Variants in DNAJC10 observed in about 807,000 individuals in gnomAD.
DNAJC10 encodes DnaJ heat shock protein family (Hsp40) member C10.
Under a neutral mutation model 115.0 loss-of-function variants are expected in DNAJC10, and 101 were observed. That is an observed-to-expected ratio of 0.88 (90% CI 0.75 to 1.04). The LOEUF (loss-of-function observed/expected upper bound fraction) is 1.04, where lower values mean the gene tolerates loss of function less well. Among genes scored for constraint, DNAJC10 ranks in the 50% least tolerant of loss-of-function variants. The pLI, the probability that DNAJC10 is intolerant of heterozygous loss-of-function variation, is 0.00. For synonymous variants in DNAJC10, 307 were observed against 301.5 expected, an observed-to-expected ratio of 1.02 and a Z score of -0.19; for missense variants, 981 against 928.8, an observed-to-expected ratio of 1.06 and a Z score of -0.73.
intron 14 of DNAJC10, among the ~76,000 whole-genome samples, chr2:182,744,299 T>C (rs991433407): frequency 1.3e-5 from 2 of 152,132 alleles, no homozygotes; most frequent in African/African-American, 4.8e-5. Flanking sequence ...GAACAACAGA[T>C]ACCGATGAAA....
chr2:182,738,384 C>T (rs965103520), intron 11 of DNAJC10, among the ~76,000 whole-genome samples: 1 of 152,148 alleles, frequency 6.6e-6, no homozygotes, highest in African/African-American at 2.4e-5. Context: ...AATAGAGCCT[C>T]TTGCCTTGAG....
Position 182,757,752 on chromosome 2 carries a change from G to A in DNAJC10, c.1870G>A (p.Ala624Thr), listed in dbSNP as rs1158613943. ...IDCQQYHSFC[A>T]QENVQRYPEI... is the part of the protein sequence containing the mutation. Reference sequence around the variant, plus strand: ...TTGCCAACAGTATCATTCTTTTTGTGCCCAGGAAAACGTTCAAAGATACCC... The same window carrying A: ...TTGCCAACAGTATCATTCTTTTTGTACCCAGGAAAACGTTCAAAGATACCC... Residue 624 changes from alanine (A) to threonine (T), a missense_variant, in exon 19 of 24, where the codon GCC (alanine) becomes ACC (threonine). Transcript: ENST00000264065. 3.7e-6 allele frequency: 6 copies of A among 1,603,580 alleles called. No individual in the cohort carries two copies. Among genetic ancestry groups the A allele is most frequent in the South Asian group, 1.1e-5 (1 of 89,360 alleles).
In DNAJC10 at chr2:182,732,657, T is replaced by C. The variant is rs1693481289; in HGVS notation, c.849+115T>C. The C allele has an allele frequency of 1.3e-5, 13 of 1,006,278 alleles. No homozygotes were observed. In the South Asian group the frequency reaches 1.9e-4, roughly 14 times the overall value. 62.3% of individuals were successfully genotyped at this position (1,006,278 alleles called of 1,614,324 possible). On this transcript the variant is annotated intron_variant, in intron 10 of 23. Coordinates refer to ENST00000264065, the MANE Select transcript of DNAJC10 (RefSeq NM_018981.4). ...GAACATTTAACTCACCTATTTGTAATCTTATTTTCTGATGACTGTATTCAT... is the reference window on the plus strand; with the variant it reads ...GAACATTTAACTCACCTATTTGTAACCTTATTTTCTGATGACTGTATTCAT...
intron 19 of DNAJC10, 100 bp from the exon 20 acceptor site, chr2:182,758,737 C>A: frequency 1.2e-6 from 1 of 834,146 alleles, no homozygotes; most frequent in South Asian, 1.6e-5. Context: ...TGAAATCAAT[C>A]AATATAACTT....
At chr2:182,747,912 C>T (rs1211180989) in intron 14 of DNAJC10, among the ~76,000 whole-genome samples, 8 of 151,762 alleles carry the variant, frequency 5.3e-5, no homozygotes, top group African/African-American at 1.9e-4. Context: ...CCATCAATAC[C>T]TAATTTATGG....
chr2:182,760,488 T>G (rs963524416), intron 21 of DNAJC10, among the ~76,000 whole-genome samples: 13 of 152,200 alleles, frequency 8.5e-5, no homozygotes, highest in African/African-American at 2.9e-4. Context: ...TGTAAATGGC[T>G]GTCTCTTCCT....
At chr2:182,736,675 A>G (rs559429153) in intron 11 of DNAJC10, among the ~76,000 whole-genome samples, 14 of 152,332 alleles carry the variant, frequency 9.2e-5, no homozygotes, top group East Asian at 5.8e-4. Flanking sequence ...TTAAACCCCA[A>G]AAGTATGGAG....
intron 14 of DNAJC10, among the ~76,000 whole-genome samples, chr2:182,745,595 A>C (rs898079079): frequency 1.3e-5 from 2 of 152,162 alleles, no homozygotes; most frequent in African/African-American, 4.8e-5. Context: ...TACAGTACTG[A>C]GGAATAGGAA....
Position 182,789,994 on chromosome 2 carries a change from T to G in DNAJC10, c.*12862T>G, listed in dbSNP as rs774268635. 6 of 152,204 alleles carry G rather than the reference T, an allele frequency of 3.9e-5. No individual in the cohort carries two copies. Among genetic ancestry groups the G allele is most frequent in the Non-Finnish European group, 8.8e-5 (6 of 68,038 alleles). The allele number at this position is 152,204 out of a possible 1,614,324, so 9.4% of individuals were successfully genotyped here. ...TTCTCATACCATGCTTTGTATTACT[T>G]TCCCATTTGGATGCCCTTTTCATCC... On this transcript the variant is annotated 3_prime_UTR_variant, in exon 24 of 24. Transcript: ENST00000264065.
Position 182,775,438 on chromosome 2 carries a change from A to T in DNAJC10, c.2370+18A>T. The T allele has an allele frequency of 1.3e-6, 2 of 1,569,126 alleles. No homozygotes were observed. ...GGAATAAGGTATGGACTAAGCCTAG[A>T]GTTGACTTTGGCAAAAGTTGGCAAA... is the stretch of plus-strand genomic sequence containing the variant. On this transcript the variant is annotated intron_variant, in intron 23 of 23. Coordinates refer to ENST00000264065, the MANE Select transcript of DNAJC10 (RefSeq NM_018981.4).
At chr2:182,767,793 G>C (rs1444806838) in intron 22 of DNAJC10, among the ~76,000 whole-genome samples, 1 of 152,122 alleles carries the variant, frequency 6.6e-6, no homozygotes, top group Non-Finnish European at 1.5e-5. Context: ...GTCTGGTCAT[G>C]AGACACCTGT....
At chr2:182,773,155 T>C (rs1287099254) in intron 22 of DNAJC10, among the ~76,000 whole-genome samples, 2 of 152,220 alleles carry the variant, frequency 1.3e-5, no homozygotes, top group Non-Finnish European at 2.9e-5. Context: ...TGTTGAATAT[T>C]GGCCCCCACT....
intron 8 of DNAJC10, 148 bp downstream of exon 8, chr2:182,730,089 T>A (rs1311080089): frequency 1.1e-5 from 6 of 563,464 alleles, no homozygotes; most frequent in Non-Finnish European, 1.9e-5. Flanking sequence ...TGTCATTTAC[T>A]CTGAACTCTG....
At chr2:182,755,487 A>C (rs288335) in intron 17 of DNAJC10, among the ~76,000 whole-genome samples, 97,984 of 145,008 alleles carry the variant, frequency 0.68, 33,628 homozygotes, top group African/African-American at 0.8. Flanking sequence ...CTTACAGGGG[A>C]CTCCTAGAAA....
In DNAJC10 at chr2:182,788,532, AT is replaced by A. The variant is rs1163265505; in HGVS notation, c.*11403del. 7 of 210,544 alleles carry A rather than the reference AT, an allele frequency of 3.3e-5. No homozygotes were observed. Among genetic ancestry groups the A allele is most frequent in the African/African-American group, 1.7e-4 (7 of 42,412 alleles). The allele number at this position is 210,544 out of a possible 1,614,324, so 13.0% of individuals were successfully genotyped here. ...AACAAAATGTATAAAAAGTATTAAA[AT>A]TTGAAAAATATCTTGGAAATAAGGA... is the stretch of plus-strand genomic sequence containing the variant. On this transcript the variant is annotated 3_prime_UTR_variant, in exon 24 of 24. Transcript: ENST00000264065.
At position 182,751,772 on chromosome 2, in the gene DNAJC10, A is replaced by T. The variant is rs778972704; in HGVS notation, c.1421A>T (p.Asp474Val). The T allele has an allele frequency of 1.9e-6, 3 of 1,613,254 alleles. No individual in the cohort carries two copies. In the South Asian group the frequency reaches 3.3e-5, roughly 18 times the overall value. Reference sequence around the variant, plus strand: ...AATGACAAAGAACCATGGCTTGTTGATTTCTTTGCCCCCGTAAGTTATTTT... The same window carrying T: ...AATGACAAAGAACCATGGCTTGTTGTTTTCTTTGCCCCCGTAAGTTATTTT... ...PANDKEPWLVDFFAPWCPPCR... is the reference protein window; with the variant it reads ...PANDKEPWLVVFFAPWCPPCR... Residue 474 changes from aspartate (D) to valine (V), a missense_variant, in exon 15 of 24, where the codon GAT becomes GTT. Physicochemically the swap from Asp to Val is radical, Grantham distance 152 (BLOSUM62 -3). Transcript: ENST00000264065.
chr2:182,733,412 T>A (rs914778732), intron 10 of DNAJC10, among the ~76,000 whole-genome samples: 7 of 151,860 alleles, frequency 4.6e-5, no homozygotes, highest in African/African-American at 1.7e-4. Flanking sequence ...CACATTAAAA[T>A]CACCTGAGGA....
intron 21 of DNAJC10, among the ~76,000 whole-genome samples, chr2:182,760,177 C>G (rs1003012897): frequency 6.6e-6 from 1 of 152,142 alleles, no homozygotes; most frequent in African/African-American, 2.4e-5. Context: ...CGCTCCCTCT[C>G]TCTAAAATGC....
chr2:182,763,656 AATAAC>A, intron 22 of DNAJC10, among the ~76,000 whole-genome samples: 1 of 152,134 alleles, frequency 6.6e-6, no homozygotes, highest in East Asian at 1.9e-4. Flanking sequence ...CTCATGCACA[AATAAC>A]ATACACACAG....
Sources: allele counts gnomAD v4.1 joint callset (sites outside exome capture counted in the v4.1 genomes callset), GRCh38; gene constraint gnomAD v4.1.1; transcripts MANE v1.5; gene names NCBI Gene and HGNC (gene_info 2026-07-23, HGNC 2026-07-21).